PCGF6: variants seen among roughly 807,000 people sequenced by gnomAD.
The protein encoded by PCGF6 is polycomb group RING finger protein 6.
Under a neutral mutation model 45.5 loss-of-function variants are expected in PCGF6, and 24 were observed. That is an observed-to-expected ratio of 0.53 (90% CI 0.38 to 0.74). The LOEUF (loss-of-function observed/expected upper bound fraction) is 0.74, where lower values mean the gene tolerates loss of function less well. Among genes scored for constraint, PCGF6 ranks in the 30% least tolerant of loss-of-function variants. The pLI is 0.00. For missense variants in PCGF6, 356 were observed against 443.2 expected (o/e 0.80, Z 1.77); for synonymous variants, 152 against 162.1 (o/e 0.94, Z 0.47).
intron 7 of PCGF6, among the ~76,000 whole-genome samples, chr10:103,328,300 C>G (rs2093226791): frequency 6.6e-6 from 1 of 152,176 alleles, no homozygotes; most frequent in African/African-American, 2.4e-5. Context: ...CTCAGCTTTC[C>G]TATCTGTACA....
intron 8 of PCGF6, among the ~76,000 whole-genome samples, chr10:103,316,009 T>TAGAGAGAG (rs1398812514): frequency 1.2e-4 from 15 of 127,380 alleles, no homozygotes; most frequent in Admixed American, 4.0e-4. Flanking sequence ...TATATATATA[T>TAGAGAGAG]ATATAGAGAG....
intron 8 of PCGF6, among the ~76,000 whole-genome samples, chr10:103,318,825 C>CT (rs1299396885): frequency 2.0e-5 from 3 of 152,070 alleles, no homozygotes; most frequent in Non-Finnish European, 4.4e-5. Flanking sequence ...AGTTAGAAAA[C>CT]TTTTCACATT....
chr10:103,309,783 T>C (rs1451454609), intron 9 of PCGF6, among the ~76,000 whole-genome samples: 1 of 151,686 alleles, frequency 6.6e-6, no homozygotes, highest in Non-Finnish European at 1.5e-5. Context: ...TTAAAAAAAA[T>C]AGCCAGATGT....
At chr10:103,338,544 CA>C (rs369499715) in intron 6 of PCGF6, among the ~76,000 whole-genome samples, 194 of 107,434 alleles carry the variant, frequency 1.8e-3, no homozygotes, top group Middle Eastern at 4.8e-3. Flanking sequence ...GACTCCATCT[CA>C]AAAAAAAAAA....
chr10:103,340,007 C>CAAAAAAAAAAAAA (rs60211186), intron 6 of PCGF6, among the ~76,000 whole-genome samples: 2 of 60,144 alleles, frequency 3.3e-5, no homozygotes, highest in Non-Finnish European at 5.7e-5. Flanking sequence ...ACTAAAAATA[C>CAAAAAAAAAAAAA]AAAAAAAAAA....
intron 9 of PCGF6, among the ~76,000 whole-genome samples, chr10:103,306,734 A>T (rs967681873): frequency 1.3e-5 from 2 of 152,226 alleles, no homozygotes; most frequent in African/African-American, 4.8e-5. Context: ...TGAATACATA[A>T]GTTAGGTATG....
chr10:103,350,566 G>C, intron 1 of PCGF6, 141 bp downstream of exon 1: 1 of 784,314 alleles, frequency 1.3e-6, no homozygotes, highest in Admixed American at 4.2e-5. Flanking sequence ...TAGGCAGCCG[G>C]GGCAGAGGTC....
chr10:103,307,420 C>T (rs1013569032), intron 9 of PCGF6, among the ~76,000 whole-genome samples: 9 of 151,722 alleles, frequency 5.9e-5, no homozygotes, highest in African/African-American at 1.7e-4. Context: ...CTGGGCAACA[C>T]GACAAGACCA....
intron 9 of PCGF6, among the ~76,000 whole-genome samples, chr10:103,309,013 C>T (rs2093147413): frequency 2.0e-5 from 3 of 152,130 alleles, no homozygotes; most frequent in Admixed American, 2.0e-4. Context: ...AATGTTTATA[C>T]CCCCATTGTA....
chr10:103,315,688 G>A (rs527865219), intron 8 of PCGF6, among the ~76,000 whole-genome samples: 126 of 151,770 alleles, frequency 8.3e-4, no homozygotes, highest in African/African-American at 2.7e-3. Context: ...TTCAATTTTT[G>A]TAGAGACAGG....
At chr10:103,324,726 C>T (rs1028078002) in intron 8 of PCGF6, among the ~76,000 whole-genome samples, 1 of 144,334 alleles carries the variant, frequency 6.9e-6, no homozygotes, top group Non-Finnish European at 1.5e-5. Context: ...CCCCACTGCA[C>T]TCCAGCCTGG....
chr10:103,323,650 T>G (rs1178054890), intron 8 of PCGF6, among the ~76,000 whole-genome samples: 3 of 151,914 alleles, frequency 2.0e-5, no homozygotes, highest in Non-Finnish European at 4.4e-5. Flanking sequence ...TGGAGTGCAG[T>G]GGCATGATCT....
At chr10:103,314,155 T>C (rs368290354) in intron 9 of PCGF6, 31 bp downstream of exon 9, 20 of 1,404,204 alleles carry the variant, frequency 1.4e-5, no homozygotes, top group Non-Finnish European at 1.9e-5. Flanking sequence ...AAGTAACTTA[T>C]CTGTTAGACA....
chr10:103,340,348 G>A (rs2093276392), intron 6 of PCGF6, among the ~76,000 whole-genome samples: 2 of 151,574 alleles, frequency 1.3e-5, no homozygotes, highest in Admixed American at 1.3e-4. Flanking sequence ...TCTACAGCAG[G>A]AAATGCATTA....
chr10:103,327,115 C>T (rs1346139848), intron 7 of PCGF6, among the ~76,000 whole-genome samples: 6 of 152,040 alleles, frequency 3.9e-5, no homozygotes, highest in Non-Finnish European at 8.8e-5. Context: ...GGAGAAACCC[C>T]GTCTCTACTA....
intron 8 of PCGF6, among the ~76,000 whole-genome samples, chr10:103,325,249 TTTTGTTTG>T (rs1198785158): frequency 6.6e-6 from 1 of 152,142 alleles, no homozygotes; most frequent in East Asian, 1.9e-4. Flanking sequence ...TTGCTTGTTT[TTTTGTTTG>T]TTTTGTTTTG....
chr10:103,340,504 C>T (rs1167260927), intron 6 of PCGF6, among the ~76,000 whole-genome samples: 1 of 151,918 alleles, frequency 6.6e-6, no homozygotes, highest in African/African-American at 2.4e-5. Context: ...CGTTTACCAT[C>T]GTTGTATTAC....
chr10:103,347,291 T>C lies in PCGF6; in HGVS notation c.620A>G (p.Lys207Arg), dbSNP rs142360344. Residue 207 changes from lysine (K) to arginine (R), a missense_variant, in exon 5 of 10, where the codon AAA (lysine) becomes AGA (arginine). Physicochemically the swap from Lys to Arg is conservative, Grantham distance 26. This residue lies in a region of PCGF6 where 307 missense variants were observed against 350.1 expected (regional missense o/e 0.88). Coordinates refer to ENST00000369847, the MANE Select transcript of PCGF6 (RefSeq NM_001011663.2). ...TTTATAGAAATCATGCATTTGCTTT[T>C]TTTCTCCTAAAAAATGATAAAACAC... The part of the protein sequence containing the change: ...KLVINLEERE[K>R]KQMHDFYKER... 6.2e-7 allele frequency: 1 copy of C among 1,608,982 alleles called. No individual in the cohort carries two copies. The highest frequency in any genetic ancestry group is 8.5e-7 in the Non-Finnish European group (1 of 1,175,492).
intron 6 of PCGF6, among the ~76,000 whole-genome samples, chr10:103,335,354 T>G (rs1300448736): frequency 6.7e-6 from 1 of 149,768 alleles, no homozygotes; most frequent in Non-Finnish European, 1.5e-5. Context: ...ACACCCAGAC[T>G]CCAAAGCACT....
Sources: gnomAD v4.1 joint callset for allele counts (sites outside exome capture counted in the v4.1 genomes callset) on GRCh38, gnomAD v4.1.1 for gene constraint, gnomAD v4.1.1 regional missense constraint, MANE v1.5 for transcripts, NCBI Gene and HGNC (gene_info 2026-07-23, HGNC 2026-07-21) for gene names.